NR2C2: variants seen among roughly 807,000 people sequenced by gnomAD.
The protein encoded by NR2C2 is Nuclear hormone receptor TR4.
Under a neutral mutation model 62.9 loss-of-function variants are expected in NR2C2, and 6 were observed. That is an observed-to-expected ratio of 0.10 (90% confidence interval 0.05 to 0.19). The LOEUF is 0.19. Ranked by LOEUF, NR2C2 falls within the 10% of genes least tolerant of loss-of-function variation. The pLI is 1.00. For missense variants in NR2C2, 479 were observed against 762.7 expected (o/e 0.63, Z 4.38); for synonymous variants, 272 against 273.8 (o/e 0.99, Z 0.07).
chr3:15,000,500 C>A (rs1047507187), intron 1 of NR2C2, among the ~76,000 whole-genome samples: 2 of 152,198 alleles, frequency 1.3e-5, no homozygotes, highest in Non-Finnish European at 2.9e-5. Context: ...ATCTCTTCAA[C>A]AAACTGATTT....
intron 1 of NR2C2, among the ~76,000 whole-genome samples, chr3:15,000,300 C>T (rs1443669217): frequency 6.6e-6 from 1 of 152,132 alleles, no homozygotes; most frequent in African/African-American, 2.4e-5. Flanking sequence ...ATTTCACTTA[C>T]CATAATGTTC....
intron 2 of NR2C2, among the ~76,000 whole-genome samples, chr3:15,011,237 G>A (rs2041344745): frequency 6.6e-6 from 1 of 152,180 alleles, no homozygotes; most frequent in African/African-American, 2.4e-5. Flanking sequence ...TACACAGAAG[G>A]CCAAAGCAGA....
At chr3:15,030,085 G>C (rs2041940138) in intron 8 of NR2C2, among the ~76,000 whole-genome samples, 190 bp from the exon 9 acceptor site, 3 of 152,288 alleles carry the variant, frequency 2.0e-5, no homozygotes, top group South Asian at 2.1e-4. Flanking sequence ...AGCACTTTGA[G>C]AGGCCAAGGC....
At chr3:14,972,175 T>C (rs1423562076) in intron 1 of NR2C2, among the ~76,000 whole-genome samples, 1 of 138,976 alleles carries the variant, frequency 7.2e-6, no homozygotes, top group Non-Finnish European at 1.5e-5. Flanking sequence ...TTTTTCTTTC[T>C]TTTTTTTTTT....
chr3:15,009,271 A>T (rs9832399), intron 2 of NR2C2, among the ~76,000 whole-genome samples: 55,679 of 151,968 alleles, frequency 0.37, 10,864 homozygotes, highest in African/African-American at 0.49. Flanking sequence ...AGCCTTGTAG[A>T]TTCTTTGTGG....
At chr3:14,994,003 C>T (rs1378053854) in intron 1 of NR2C2, among the ~76,000 whole-genome samples, 2 of 152,148 alleles carry the variant, frequency 1.3e-5, no homozygotes, top group African/African-American at 4.8e-5. Context: ...AGAGGCAGGG[C>T]CACATCTGGT....
At chr3:15,040,279 G>T (rs2042220654) in intron 13 of NR2C2, among the ~76,000 whole-genome samples, 1 of 152,202 alleles carries the variant, frequency 6.6e-6, no homozygotes, top group Non-Finnish European at 1.5e-5. Flanking sequence ...AAGGATGGAA[G>T]AGTGCTGCTT....
chr3:14,952,249 C>T (rs2039387372), intron 1 of NR2C2, among the ~76,000 whole-genome samples: 1 of 152,194 alleles, frequency 6.6e-6, no homozygotes, highest in Non-Finnish European at 1.5e-5. Context: ...TACTTGTTGT[C>T]TGAATGACTT....
chr3:14,986,607 C>T (rs1275678065), intron 1 of NR2C2, among the ~76,000 whole-genome samples: 4 of 152,208 alleles, frequency 2.6e-5, no homozygotes, highest in African/African-American at 9.7e-5. Context: ...TAGAGAACAT[C>T]TCCTTTCTTG....
chr3:14,987,666 C>T (rs924851228), intron 1 of NR2C2, among the ~76,000 whole-genome samples: 1 of 152,150 alleles, frequency 6.6e-6, no homozygotes, highest in African/African-American at 2.4e-5. Flanking sequence ...AACATATATA[C>T]TTAATTTGTT....
chr3:15,030,498 T>C (rs201451075), intron 9 of NR2C2, 46 bp downstream of exon 9: 16 of 1,510,396 alleles, frequency 1.1e-5, no homozygotes, highest in Non-Finnish European at 1.2e-5. Flanking sequence ...TGCTGGGGGA[T>C]AGGTTCTGTA....
chr3:15,032,084 A>G (rs2041995012), intron 9 of NR2C2, among the ~76,000 whole-genome samples: 2 of 152,334 alleles, frequency 1.3e-5, no homozygotes, highest in South Asian at 4.1e-4. Context: ...TGGAATTGCC[A>G]TAGAACAAAT....
rs1054084230 is a variant in NR2C2 at position 15,034,739 on chromosome 3, T to C, written c.1302T>C (p.Cys434=). The C allele has an allele frequency of 6.2e-7, 1 of 1,614,138 alleles. No individual in the cohort carries two copies. The highest frequency in any genetic ancestry group is 1.7e-5 in the Admixed American group (1 of 60,024). Residue 434 remains cysteine, a synonymous_variant, in exon 11 of 14, where the codon TGT becomes TGC. Coordinates refer to ENST00000425241, the MANE Select transcript of NR2C2 (RefSeq NM_001291694.2). ...TCTTCACCCTCGGCCTGGCCCAGTG[T>C]GCCCAGGTCATGAGTCTCTCCACCA... The part of the protein sequence containing the change: ...NELFTLGLAQ[C]AQVMSLSTIL...
rs1330708726 is a variant in NR2C2 at position 15,034,647 on chromosome 3, C to G, written c.1233-23C>G. 1.9e-6 allele frequency: 3 copies of G among 1,611,404 alleles called. No individual in the cohort carries two copies. The East Asian group carries it at 6.7e-5, about 36-fold the overall frequency. Reference sequence around the variant, plus strand: ...GAGAAATGCCAACACACACCACACTCAGACTCCTTTCTATATTCCTAGGCA... The same window carrying G: ...GAGAAATGCCAACACACACCACACTGAGACTCCTTTCTATATTCCTAGGCA... On this transcript the variant is annotated intron_variant, in intron 10 of 13. Coordinates refer to ENST00000425241, the MANE Select transcript of NR2C2 (RefSeq NM_001291694.2).
chr3:14,969,139 TAATA>T (rs1020591888), intron 1 of NR2C2, among the ~76,000 whole-genome samples: 1 of 149,520 alleles, frequency 6.7e-6, no homozygotes, highest in Non-Finnish European at 1.5e-5. Context: ...AGTATAGTAA[TAATA>T]AATTAAAAAA....
chr3:15,034,843 T>A, intron 11 of NR2C2, 34 bp downstream of exon 11: 1 of 1,577,754 alleles, frequency 6.3e-7, no homozygotes, highest in East Asian at 2.3e-5. Context: ...GGGGTGTGTC[T>A]TGGTTCAGCC....
chr3:14,950,851 C>T (rs2125201996), intron 1 of NR2C2, among the ~76,000 whole-genome samples: 2 of 152,220 alleles, frequency 1.3e-5, no homozygotes, highest in Middle Eastern at 6.8e-3. Flanking sequence ...TGATGGATAC[C>T]TTTTGTGTGA....
rs955856778 is a variant in NR2C2, at chr3:15,048,077, T to A, written c.*5069T>A. 2 of 152,636 alleles carry A rather than the reference T, an allele frequency of 1.3e-5. No homozygotes were observed. Among genetic ancestry groups the A allele is most frequent in the Admixed American group, 6.5e-5 (1 of 15,284 alleles). 9.5% of individuals were successfully genotyped at this position (152,636 alleles called of 1,614,324 possible). On this transcript the variant is annotated 3_prime_UTR_variant, in exon 14 of 14. Transcript: ENST00000425241. ...GGAATCACTAGATTGCTGCAAAAACTCACATAATCCACAGTTTCCTCTTTT... is the reference window on the plus strand; with the variant it reads ...GGAATCACTAGATTGCTGCAAAAACACACATAATCCACAGTTTCCTCTTTT...
rs1326015286 is a variant in NR2C2 at position 15,013,678 on chromosome 3, C to G, written c.162C>G (p.Thr54=). 1.2e-6 allele frequency: 2 copies of G among 1,614,066 alleles called. No individual in the cohort carries two copies. Among genetic ancestry groups the G allele is most frequent in the African/African-American group, 2.7e-5 (2 of 74,928 alleles). The change falls in exon 3 of 14, where the codon ACC becomes ACG. Residue 54 remains threonine, a synonymous_variant. Coordinates refer to ENST00000425241, the MANE Select transcript of NR2C2 (RefSeq NM_001291694.2). ...CCCCCAAACAGCAGTTCATCCTGACCAGCCCAGATGGAGCTGGAACTGGGA... is the reference window on the plus strand; with the variant it reads ...CCCCCAAACAGCAGTTCATCCTGACGAGCCCAGATGGAGCTGGAACTGGGA... ...SGSPKQQFIL[T]SPDGAGTGKV...
Sources: gnomAD v4.1 joint callset for allele counts (sites outside exome capture counted in the v4.1 genomes callset) on GRCh38, gnomAD v4.1.1 for gene constraint, MANE v1.5 for transcripts, NCBI Gene and HGNC (gene_info 2026-07-23, HGNC 2026-07-21) for gene names.